The following SIPA1L1 variants were observed in gnomAD, a reference collection of about 807,000 sequenced individuals.
The protein encoded by SIPA1L1 is signal induced proliferation associated 1 like 1, also known as signal-induced proliferation-associated 1-like protein 1.
A neutral mutation model predicts 162.7 loss-of-function variants in SIPA1L1; 26 were observed. That is an observed-to-expected ratio of 0.16 (90% confidence interval 0.12 to 0.22). The LOEUF (loss-of-function observed/expected upper bound fraction) is 0.22. SIPA1L1 is among the 10% of genes least tolerant of loss of function. SIPA1L1 has a pLI of 1.00. For synonymous variants in SIPA1L1, 829 were observed against 837.4 expected (o/e 0.99, Z 0.17); for missense variants, 1,874 against 2,241.0 (o/e 0.84, Z 3.31).
intron 4 of SIPA1L1, among the ~76,000 whole-genome samples, chr14:71,536,703 C>T (rs2053935869): frequency 6.6e-6 from 1 of 152,202 alleles, no homozygotes; most frequent in Non-Finnish European, 1.5e-5. Flanking sequence ...TGCTGGATTT[C>T]ACTTCTGCAG....
intron 2 of SIPA1L1, among the ~76,000 whole-genome samples, chr14:71,322,081 T>G (rs934065851): frequency 6.6e-6 from 1 of 152,258 alleles, no homozygotes; most frequent in Non-Finnish European, 1.5e-5. Flanking sequence ...GTTTCTAAAC[T>G]GGAGCCAGCG....
At chr14:71,705,690 G>A (rs1469278377) in intron 16 of SIPA1L1, among the ~76,000 whole-genome samples, 2 of 151,826 alleles carry the variant, frequency 1.3e-5, no homozygotes, top group Non-Finnish European at 2.9e-5. Context: ...TCCTGCTCCA[G>A]CCATGAGAGG....
chr14:71,487,136 T>C (rs1261909086), intron 2 of SIPA1L1, among the ~76,000 whole-genome samples: 1 of 152,220 alleles, frequency 6.6e-6, no homozygotes, highest in African/African-American at 2.4e-5. Context: ...CTTACTCCTC[T>C]TCAACCTGGA....
chr14:71,675,084 A>G (rs562908200), intron 12 of SIPA1L1, among the ~76,000 whole-genome samples: 11 of 152,298 alleles, frequency 7.2e-5, no homozygotes, highest in African/African-American at 1.9e-4. Context: ...GCTGATTTCT[A>G]TGGTGCAGAT....
At chr14:71,451,673 CATG>C (rs1426572819) in intron 2 of SIPA1L1, among the ~76,000 whole-genome samples, 2 of 140,282 alleles carry the variant, frequency 1.4e-5, no homozygotes, top group African/African-American at 5.2e-5. Flanking sequence ...TCTTGTAAAA[CATG>C]ATGACTAAAG....
At chr14:71,472,140 G>A (rs534829307) in intron 2 of SIPA1L1, among the ~76,000 whole-genome samples, 1 of 152,158 alleles carries the variant, frequency 6.6e-6, no homozygotes, top group Non-Finnish European at 1.5e-5. Context: ...ACTGCTTTGG[G>A]TCAGGCAGCC....
chr14:71,723,984 TA>T lies in SIPA1L1; in HGVS notation c.4448+99del. ...TCTCTTACAACAAAAGAGGCCGGGC[TA>T]GGGGGTTGGCAGGAGTTGGTCTGTT... On this transcript the variant is annotated intron_variant, in intron 18 of 23. Coordinates refer to ENST00000381232, the MANE Select transcript of SIPA1L1 (RefSeq NM_001386936.1). 7.6e-6 allele frequency: 11 copies of T among 1,450,056 alleles called. No homozygotes were observed. In the South Asian group the frequency reaches 1.4e-4, roughly 19 times the overall value. The allele number at this position is 1,450,056 out of a possible 1,614,324, so 89.8% of individuals were successfully genotyped here.
At chr14:71,682,717 A>G (rs777893414) in intron 12 of SIPA1L1, among the ~76,000 whole-genome samples, 1 of 152,242 alleles carries the variant, frequency 6.6e-6, no homozygotes, top group Non-Finnish European at 1.5e-5. Flanking sequence ...TTAAAAGACT[A>G]TTCCAAAGAG....
At chr14:71,453,764 C>T (rs1009533973) in intron 2 of SIPA1L1, among the ~76,000 whole-genome samples, 7 of 151,974 alleles carry the variant, frequency 4.6e-5, no homozygotes, top group Non-Finnish European at 1.0e-4. Flanking sequence ...GAGGCCGAGG[C>T]AAGTGGATCA....
chr14:71,624,703 C>T (rs1048126402), intron 7 of SIPA1L1, among the ~76,000 whole-genome samples: 2 of 150,160 alleles, frequency 1.3e-5, no homozygotes. Flanking sequence ...GAGAAGGATT[C>T]TGGGACACAG....
intron 2 of SIPA1L1, among the ~76,000 whole-genome samples, chr14:71,356,567 C>CAAAAAAAAAAAA (rs71105772): frequency 0.051 from 1,994 of 39,112 alleles, 682 homozygotes; most frequent in Non-Finnish European, 0.06. Flanking sequence ...CTTGTCTCTA[C>CAAAAAAAAAAAA]AAAAAAAAAA....
chr14:71,689,911 TCTC>T (rs1261311394), intron 13 of SIPA1L1, among the ~76,000 whole-genome samples: 5 of 152,182 alleles, frequency 3.3e-5, no homozygotes, highest in African/African-American at 1.2e-4. Context: ...TTAAAAGAGT[TCTC>T]CTCTCAGAGA....
At chr14:71,589,975 G>A (rs1251749091) in intron 5 of SIPA1L1, among the ~76,000 whole-genome samples, 1 of 135,706 alleles carries the variant, frequency 7.4e-6, no homozygotes, top group Non-Finnish European at 1.5e-5. Flanking sequence ...AAGTACCTTT[G>A]ACATAAGGGC....
intron 4 of SIPA1L1, 125 bp downstream of exon 4, chr14:71,529,495 A>G: frequency 1.9e-6 from 1 of 516,802 alleles, no homozygotes; most frequent in Non-Finnish European, 3.5e-6. Flanking sequence ...ACTTTTCTCA[A>G]AGAGATGAAG....
intron 2 of SIPA1L1, among the ~76,000 whole-genome samples, chr14:71,365,810 C>G (rs1331840183): frequency 6.6e-6 from 1 of 151,262 alleles, no homozygotes; most frequent in Non-Finnish European, 1.5e-5. Context: ...ACTGCAACCT[C>G]TACCTCCCTG....
At chr14:71,710,647 A>G (rs1320596231) in intron 17 of SIPA1L1, among the ~76,000 whole-genome samples, 1 of 152,070 alleles carries the variant, frequency 6.6e-6, no homozygotes, top group African/African-American at 2.4e-5. Context: ...GTCTCTACTA[A>G]AAGTACAGAA....
At chr14:71,586,422 C>T (rs1157719193) in intron 4 of SIPA1L1, 3 of 152,158 alleles carry the variant, frequency 2.0e-5, no homozygotes, top group Non-Finnish European at 1.5e-5. Context: ...AAGTGCAGGT[C>T]GTCCTCCGGT....
At chr14:71,646,183 T>TC (rs1488688266) in intron 7 of SIPA1L1, among the ~76,000 whole-genome samples, 1 of 151,158 alleles carries the variant, frequency 6.6e-6, no homozygotes, top group Admixed American at 6.6e-5. Flanking sequence ...TTCTACTTTT[T>TC]TTTTTTTTTT....
intron 2 of SIPA1L1, among the ~76,000 whole-genome samples, chr14:71,329,396 C>T (rs2034235018): frequency 6.6e-6 from 1 of 151,156 alleles, no homozygotes; most frequent in Non-Finnish European, 1.5e-5. Flanking sequence ...AACTTCTCCA[C>T]ATCCTTACCA....
Sources: allele counts gnomAD v4.1 joint callset (sites outside exome capture counted in the v4.1 genomes callset), GRCh38; gene constraint gnomAD v4.1.1; transcripts MANE v1.5; gene names NCBI Gene and HGNC (gene_info 2026-07-23, HGNC 2026-07-21).